Variants in ATP8A2 observed in about 807,000 individuals in gnomAD.
ATP8A2 encodes the protein phospholipid-transporting ATPase IB.
ATP8A2 carries 100 observed loss-of-function variants against 165.6 expected under a neutral mutation model. The observed-to-expected ratio is 0.60, with a 90% CI of 0.51 to 0.71. The LOEUF is 0.71. Ranked by LOEUF, ATP8A2 falls within the 30% of genes least tolerant of loss-of-function variation. The probability of loss-of-function intolerance (pLI) is 0.00; values close to 1 mark genes in which losing one functional copy is unlikely to be tolerated. For missense variants in ATP8A2, 1,227 were observed against 1,479.5 expected (o/e 0.83, Z 2.80); for synonymous variants, 543 against 548.8 (o/e 0.99, Z 0.15).
chr13:25,866,086 A>C (rs758275795), intron 33 of ATP8A2, among the ~76,000 whole-genome samples: 1 of 152,306 alleles, frequency 6.6e-6, no homozygotes. Flanking sequence ...AAGATGATGG[A>C]AACTTGATCC....
chr13:25,779,913 A>G (rs1476453935), intron 27 of ATP8A2, among the ~76,000 whole-genome samples: 1 of 152,208 alleles, frequency 6.6e-6, no homozygotes, highest in East Asian at 1.9e-4. Context: ...GGATTGAATA[A>G]GTTCTTTAAA....
At chr13:25,985,693 G>A (rs1956268649) in intron 35 of ATP8A2, among the ~76,000 whole-genome samples, 1 of 152,224 alleles carries the variant, frequency 6.6e-6, no homozygotes, top group African/African-American at 2.4e-5. Flanking sequence ...AAGTAATGGG[G>A]ACTATGGGCA....
chr13:25,941,462 C>G (rs3783134), intron 33 of ATP8A2, among the ~76,000 whole-genome samples: 58,741 of 151,894 alleles, frequency 0.39, 11,804 homozygotes, highest in African/African-American at 0.49. Flanking sequence ...TAGGAGGCAG[C>G]GTGTCTGGCC....
intron 2 of ATP8A2, among the ~76,000 whole-genome samples, chr13:25,508,057 T>C (rs1002995348): frequency 6.6e-6 from 1 of 152,094 alleles, no homozygotes; most frequent in African/African-American, 2.4e-5. Flanking sequence ...AGTGATGTCT[T>C]ACTTGACATA....
In ATP8A2 at chr13:25,469,034, C is replaced by T. The variant is rs1411651671; in HGVS notation, c.134C>T (p.Thr45Met). The change falls in exon 2 of 37, where the codon ACG (threonine) becomes ATG (methionine). Residue 45 changes from threonine (T) to methionine (M), a missense_variant. Around this residue, in one of 5 missense-constraint regions of ATP8A2, gnomAD observed 356 missense variants for 394.9 expected, o/e 0.90. Transcript: ENST00000381655. ...GCAGAGGATGAGATGTCCCGGGCCACGTCTGTTGGAGACCAGCTGGAGGCA... is the reference window on the plus strand; with the variant it reads ...GCAGAGGATGAGATGTCCCGGGCCATGTCTGTTGGAGACCAGCTGGAGGCA... ...KKAEDEMSRA[T>M]SVGDQLEAPA... The T allele has an allele frequency of 1.9e-6, 3 of 1,613,958 alleles. No individual in the cohort carries two copies. The highest frequency in any genetic ancestry group is 1.3e-5 in the African/African-American group (1 of 74,948).
At chr13:25,542,954 T>A (rs2038530836) in intron 9 of ATP8A2, among the ~76,000 whole-genome samples, 1 of 152,146 alleles carries the variant, frequency 6.6e-6, no homozygotes, top group Non-Finnish European at 1.5e-5. Flanking sequence ...CCAATAATAA[T>A]ACTTAACTAC....
chr13:25,623,107 C>CG (rs1434207898), intron 24 of ATP8A2, among the ~76,000 whole-genome samples: 2 of 152,170 alleles, frequency 1.3e-5, no homozygotes, highest in Non-Finnish European at 2.9e-5. Flanking sequence ...GGACTGGCCA[C>CG]GCACAGTAGC....
intron 26 of ATP8A2, among the ~76,000 whole-genome samples, chr13:25,774,584 T>C (rs1052316145): frequency 3.3e-5 from 5 of 152,320 alleles, no homozygotes; most frequent in Middle Eastern, 3.4e-3. Flanking sequence ...AAAAAGCATT[T>C]GTTTAAATAG....
intron 24 of ATP8A2, among the ~76,000 whole-genome samples, chr13:25,599,984 G>A (rs574457493): frequency 5.1e-4 from 78 of 152,148 alleles, no homozygotes; most frequent in Non-Finnish European, 9.0e-4. Context: ...AATGGTGACC[G>A]TCAAGTTCTG....
intron 1 of ATP8A2, chr13:25,468,665 C>T (rs2035738945): frequency 1.4e-5 from 4 of 276,776 alleles, no homozygotes; most frequent in African/African-American, 4.6e-5. Flanking sequence ...CTTGGGCGTC[C>T]AGCCCGGCCC....
intron 24 of ATP8A2, among the ~76,000 whole-genome samples, chr13:25,676,691 A>AT (rs1345965189): frequency 9.2e-5 from 14 of 151,634 alleles, no homozygotes; most frequent in Admixed American, 7.9e-4. Flanking sequence ...TTTAAAAAAA[A>AT]TTTTTATATA....
intron 27 of ATP8A2, among the ~76,000 whole-genome samples, chr13:25,814,894 C>T (rs1379105363): frequency 1.3e-5 from 2 of 152,058 alleles, no homozygotes; most frequent in Non-Finnish European, 2.9e-5. Flanking sequence ...GTGGCGCATT[C>T]CTGTAGTCCC....
chr13:25,386,661 T>G (rs2033056390), intron 1 of ATP8A2, among the ~76,000 whole-genome samples: 1 of 152,140 alleles, frequency 6.6e-6, no homozygotes, highest in African/African-American at 2.4e-5. Context: ...CTCTTGTCAG[T>G]GGATCCTGTC....
At chr13:25,989,825 G>A (rs903094619) in intron 35 of ATP8A2, among the ~76,000 whole-genome samples, 1 of 152,138 alleles carries the variant, frequency 6.6e-6, no homozygotes, top group African/African-American at 2.4e-5. Context: ...TCCCGGAAGG[G>A]TGAACTTTGG....
chr13:25,554,122 C>T lies in ATP8A2; in HGVS notation c.1185+202C>T, dbSNP rs3132368. Among the ~76,000 whole-genome samples the T allele has an allele frequency of 6.6e-6, 1 of 151,970 alleles. No individual in the cohort carries two copies. The highest frequency in any genetic ancestry group is 1.5e-5 in the Non-Finnish European group (1 of 67,990). On this transcript the variant is annotated intron_variant, in intron 12 of 36. Transcript: ENST00000381655. ...GAAGGGCAGTGGTACCTATTCAAGG[C>T]GTTGTTGTGAGGATTGGTCAGAGAA...
chr13:25,683,849 C>T (rs2042546020), intron 24 of ATP8A2, among the ~76,000 whole-genome samples: 1 of 152,198 alleles, frequency 6.6e-6, no homozygotes, highest in Non-Finnish European at 1.5e-5. Context: ...ACAGTCCTCA[C>T]TACTCCTAAT....
chr13:25,645,118 A>G (rs1159799428), intron 24 of ATP8A2, among the ~76,000 whole-genome samples: 4 of 152,130 alleles, frequency 2.6e-5, no homozygotes, highest in African/African-American at 9.7e-5. Flanking sequence ...TTGGGAAGTA[A>G]AAGAGGCTTA....
At chr13:25,984,503 C>G (rs1349258654) in intron 35 of ATP8A2, among the ~76,000 whole-genome samples, 1 of 151,660 alleles carries the variant, frequency 6.6e-6, no homozygotes, top group Non-Finnish European at 1.5e-5. Flanking sequence ...ACTTGGGAGG[C>G]TAAGGCACGA....
rs77526664 is a variant in ATP8A2 at position 25,999,665 on chromosome 13, G to A, written c.3378-12866G>A. On this transcript the variant is annotated intron_variant, in intron 35 of 36. Coordinates refer to ENST00000381655, the MANE Select transcript of ATP8A2 (RefSeq NM_016529.6). ...ACCTTAAAGACTGTGAGTTCATGAGGGCAGAGGCTGTGTCTTGGGTAACTT... is the reference window on the plus strand; with the variant it reads ...ACCTTAAAGACTGTGAGTTCATGAGAGCAGAGGCTGTGTCTTGGGTAACTT... Among the ~76,000 whole-genome samples, 1,074 of 152,262 alleles carry A rather than the reference G, an allele frequency of 7.1e-3. 9 individuals carry two copies. The highest frequency in any genetic ancestry group is 0.024 in the African/African-American group (1,016 of 41,548).
Sources: gnomAD v4.1 joint callset for allele counts (sites outside exome capture counted in the v4.1 genomes callset) on GRCh38, gnomAD v4.1.1 for gene constraint, gnomAD v4.1.1 regional missense constraint, MANE v1.5 for transcripts, NCBI Gene and HGNC (gene_info 2026-07-23, HGNC 2026-07-21) for gene names.